MMP2: variants seen among roughly 807,000 people sequenced by gnomAD.
MMP2 encodes the protein matrix metallopeptidase 2.
Under a neutral mutation model 74.8 loss-of-function variants are expected in MMP2, and 39 were observed. The observed-to-expected ratio is 0.52, with a 90% CI of 0.40 to 0.68. The LOEUF is 0.68. Among genes scored for constraint, MMP2 ranks in the 30% least tolerant of loss-of-function variants. MMP2 has a pLI of 0.00. For synonymous variants in MMP2, 367 were observed against 339.8 expected, an observed-to-expected ratio of 1.08 and a Z score of -0.88; for missense variants, 803 against 878.3, an observed-to-expected ratio of 0.91 and a Z score of 1.08.
chr16:55,489,787 C>T lies in MMP2; in HGVS notation c.1143C>T (p.Tyr381=), dbSNP rs774052275. Residue 381 remains tyrosine (Y), a synonymous_variant, in exon 7 of 13, where the codon TAC becomes TAT. Coordinates refer to ENST00000219070, the MANE Select transcript of MMP2 (RefSeq NM_004530.6). The part of the protein sequence containing the change: ...GKMWCATTAN[Y]DDDRKWGFCP... ...TGTGGTGTGCGACCACAGCCAACTA[C>T]GATGATGACCGCAAGTGGGGCTTCT... 14 of 1,614,174 alleles carry T rather than the reference C, an allele frequency of 8.7e-6. No homozygotes were observed. Among genetic ancestry groups the T allele is most frequent in the Middle Eastern group, 3.3e-4 (2 of 6,062 alleles).
intron 3 of MMP2, 145 bp from the exon 4 acceptor site, chr16:55,485,154 G>A: frequency 8.8e-7 from 1 of 1,140,284 alleles, no homozygotes; most frequent in South Asian, 1.3e-5. Flanking sequence ...CTGAGCTCCT[G>A]TTGACAGTCC....
Position 55,505,513 on chromosome 16 carries a change from G to A in MMP2, c.*71G>A, listed in dbSNP as rs952803075. The A allele has an allele frequency of 1.5e-6, 2 of 1,324,810 alleles. No individual in the cohort carries two copies. Among genetic ancestry groups the A allele is most frequent in the Admixed American group, 3.4e-5 (2 of 59,386 alleles). 82.1% of individuals were successfully genotyped at this position (1,324,810 alleles called of 1,614,324 possible). On this transcript the variant is annotated 3_prime_UTR_variant, in exon 13 of 13. Transcript: ENST00000219070. ...ACACCGGGCCTGGAGAACTAGAGAA[G>A]GACCCGGAGGGGCCTGGCAGCCGTG... is the stretch of plus-strand genomic sequence containing the variant.
At position 55,485,619 on chromosome 16, in the gene MMP2, A is replaced by G. The variant is rs1201852945; in HGVS notation, c.674A>G (p.Tyr225Cys). 8.1e-6 allele frequency: 13 copies of G among 1,614,026 alleles called. No homozygotes were observed. Among genetic ancestry groups the G allele is most frequent in the Admixed American group, 1.7e-5 (1 of 59,998 alleles). ...CACTCTTTAGTGGTCCGTGTGAAGT[A>G]TGGGAACGCCGATGGGGAGTACTGC... ...LGEGQVVRVK[Y>C]GNADGEYCKF... The change falls in exon 5 of 13, where the codon TAT becomes TGT. Residue 225 changes from tyrosine (Y) to cysteine (C), a missense_variant. Tyr to Cys is a radical substitution (Grantham distance 194, BLOSUM62 -2). This residue lies in a region of MMP2 where 555 missense variants were observed against 592.0 expected (regional missense o/e 0.94). Transcript: ENST00000219070.
intron 11 of MMP2, 89 bp from the exon 12 acceptor site, chr16:55,502,690 G>T: frequency 8.5e-7 from 1 of 1,170,308 alleles, no homozygotes; most frequent in South Asian, 1.2e-5. Flanking sequence ...GCCTATCCAG[G>T]AGCCATCAGC....
In MMP2 at chr16:55,479,449, C is replaced by T. The variant is rs1266939693; in HGVS notation, c.-31C>T. On this transcript the variant is annotated 5_prime_UTR_variant, in exon 1 of 13. Transcript: ENST00000219070. Reference sequence around the variant, plus strand: ...CCACACGCACCGAGCCAGCGACCCCCGGGCGACGCGCGGGGCCAGGGAGCG... The same window carrying T: ...CCACACGCACCGAGCCAGCGACCCCTGGGCGACGCGCGGGGCCAGGGAGCG... 81 of 1,470,422 alleles carry T rather than the reference C, an allele frequency of 5.5e-5. No individual in the cohort carries two copies. Among genetic ancestry groups the T allele is most frequent in the Non-Finnish European group, 6.8e-5 (76 of 1,115,040 alleles). The allele number at this position is 1,470,422 out of a possible 1,614,324, so 91.1% of individuals were successfully genotyped here. A position where few individuals can be genotyped will look rare whatever the true frequency, so the allele number is the denominator to read the frequency against.
intron 9 of MMP2, among the ~76,000 whole-genome samples, chr16:55,496,632 A>AT (rs1400780421): frequency 1.3e-5 from 2 of 152,190 alleles, no homozygotes; most frequent in Non-Finnish European, 2.9e-5. Flanking sequence ...AGAGTTGATG[A>AT]TTTTGAGAGG....
chr16:55,491,744 C>G, intron 7 of MMP2, 57 bp from the exon 8 acceptor site: 431 of 1,580,628 alleles, frequency 2.7e-4, no homozygotes, highest in Non-Finnish European at 3.4e-4. Context: ...CAGGTCTTGA[C>G]TTCTCTCTCA....
intron 12 of MMP2, 141 bp downstream of exon 12, chr16:55,503,029 T>C (rs2142374302): frequency 1.4e-6 from 1 of 723,144 alleles, no homozygotes; most frequent in East Asian, 2.7e-5. Flanking sequence ...TCCTTCATCC[T>C]AGTGCTGGGA....
At chr16:55,485,925 C>T in intron 5 of MMP2, 148 bp downstream of exon 5, 1 of 787,558 alleles carries the variant, frequency 1.3e-6, no homozygotes, top group South Asian at 1.6e-5. Flanking sequence ...CTCAGTTCCC[C>T]CCCATCCTGA....
rs1354960260 is a variant in MMP2, at chr16:55,493,152, C to T, written c.1337-6C>T. The T allele has an allele frequency of 8.7e-6, 14 of 1,613,264 alleles. No individual in the cohort carries two copies. The highest frequency in any genetic ancestry group is 1.1e-5 in the Non-Finnish European group (13 of 1,179,982). On this transcript the variant is annotated splice_region_variant and splice_polypyrimidine_tract_variant and intron_variant, in intron 8 of 12. Transcript: ENST00000219070. ...CAGAGAGTCTAAGGTCAGGTGTTCTCCCCAGGGGCCTCTCCTGACATTGAC... is the reference window on the plus strand; with the variant it reads ...CAGAGAGTCTAAGGTCAGGTGTTCTTCCCAGGGGCCTCTCCTGACATTGAC...
intron 8 of MMP2, 73 bp downstream of exon 8, chr16:55,492,029 A>T: frequency 2.1e-6 from 3 of 1,445,568 alleles, no homozygotes; most frequent in African/African-American, 1.4e-5. Flanking sequence ...ATGGAGGCCC[A>T]GGGGGTGGGA....
Position 55,488,568 on chromosome 16 carries a change from T to G in MMP2, c.858T>G (p.Ala286=). 6.2e-7 allele frequency: 1 copy of G among 1,613,998 alleles called. No individual in the cohort carries two copies. The change falls in exon 6 of 13, where the codon GCT becomes GCG. Residue 286 remains alanine, a synonymous_variant. Transcript: ENST00000219070. ...CCCTGTTCACCATGGGCGGCAACGCTGAAGGACAGCCCTGCAAGTTTCCAT... is the reference window on the plus strand; with the variant it reads ...CCCTGTTCACCATGGGCGGCAACGCGGAAGGACAGCCCTGCAAGTTTCCAT... ...HEALFTMGGN[A]EGQPCKFPFR... is the part of the protein sequence containing the mutation.
Position 55,484,077 on chromosome 16 carries a change from T to C in MMP2, c.442T>C (p.Phe148Leu), listed in dbSNP as rs1962176214. The C allele has an allele frequency of 3.1e-6, 5 of 1,614,074 alleles. No individual in the cohort carries two copies. The highest frequency in any genetic ancestry group is 4.2e-6 in the Non-Finnish European group (5 of 1,180,032). ...AGTGGATGATGCCTTTGCTCGTGCC[T>C]TCCAAGTCTGGAGCGATGTGACCCC... ...ETVDDAFARA[F>L]QVWSDVTPLR... The change falls in exon 3 of 13, where the codon TTC (phenylalanine) becomes CTC (leucine). Residue 148 changes from phenylalanine (F) to leucine (L), a missense_variant. Phe to Leu is a conservative substitution (Grantham distance 22, BLOSUM62 0). Coordinates refer to ENST00000219070, the MANE Select transcript of MMP2 (RefSeq NM_004530.6).
At chr16:55,488,348 G>A (rs767787763) in intron 5 of MMP2, 195 bp from the exon 6 acceptor site, 8 of 623,756 alleles carry the variant, frequency 1.3e-5, no homozygotes, top group African/African-American at 1.8e-5. Flanking sequence ...GGGAGGGATT[G>A]GGATAACCAG....
intron 9 of MMP2, among the ~76,000 whole-genome samples, chr16:55,496,290 G>A (rs1430498811): frequency 1.3e-5 from 2 of 152,174 alleles, no homozygotes; most frequent in South Asian, 2.1e-4. Flanking sequence ...AATGGGGGTA[G>A]GGGACACAGG....
In MMP2 at chr16:55,489,874, C is replaced by T. The variant is rs771572460; in HGVS notation, c.1180+50C>T. ...GAGACCCTGGACATTGCCCTTGCCC[C>T]TAAACTTGCTCCAAAAACCTTCCTG... On this transcript the variant is annotated intron_variant, in intron 7 of 12. Transcript: ENST00000219070. 19 of 1,594,088 alleles carry T rather than the reference C, an allele frequency of 1.2e-5. No homozygotes were observed. The South Asian group carries it at 2.0e-4, about 17-fold the overall frequency.
Position 55,502,888 on chromosome 16 carries a change from G to C in MMP2, c.1879G>C (p.Gly627Arg). 6.2e-7 allele frequency: 1 copy of C among 1,612,260 alleles called. No homozygotes were observed. Among genetic ancestry groups the C allele is most frequent in the Non-Finnish European group, 8.5e-7 (1 of 1,179,158 alleles). ...LDAVVDLQGGGHSYFFKGAYY... is the reference protein window; with the variant it reads ...LDAVVDLQGGRHSYFFKGAYY... ...TGCCGTCGTGGACCTGCAGGGCGGC[G>C]GTGAGCCACCCAGGACTGTCTCCGC... The change falls in exon 12 of 13, where the codon GGT becomes CGT. Residue 627 changes from glycine to arginine, a missense_variant and splice_region_variant. By Grantham distance (125) the Gly-to-Arg change is moderately radical. Coordinates refer to ENST00000219070, the MANE Select transcript of MMP2 (RefSeq NM_004530.6).
rs1460264766 is a variant in MMP2 at position 55,491,904 on chromosome 16, C to T, written c.1284C>T (p.Thr428=). The change falls in exon 8 of 13, where the codon ACC becomes ACT. Residue 428 remains threonine (T), a synonymous_variant. Transcript: ENST00000219070. ...GALMAPIYTY[T]KNFRLSQDDI... ...TGATGGCACCCATTTACACCTACACCAAGAACTTCCGTCTGTCCCAGGATG... is the reference window on the plus strand; with the variant it reads ...TGATGGCACCCATTTACACCTACACTAAGAACTTCCGTCTGTCCCAGGATG... 1.2e-6 allele frequency: 2 copies of T among 1,611,942 alleles called. No homozygotes were observed. Among genetic ancestry groups the T allele is most frequent in the African/African-American group, 2.7e-5 (2 of 74,730 alleles).
intron 11 of MMP2, among the ~76,000 whole-genome samples, chr16:55,499,291 T>C (rs1962608190): frequency 6.6e-6 from 1 of 152,134 alleles, no homozygotes; most frequent in Non-Finnish European, 1.5e-5. Flanking sequence ...TAGTCTTCAC[T>C]CTTCACTACT....
Sources: allele counts gnomAD v4.1 joint callset (sites outside exome capture counted in the v4.1 genomes callset), GRCh38; gene constraint gnomAD v4.1.1; regional missense constraint gnomAD v4.1.1; transcripts MANE v1.5; gene names NCBI Gene and HGNC (gene_info 2026-07-23, HGNC 2026-07-21).